The following NCOR1 variants were observed in gnomAD, a reference collection of about 807,000 sequenced individuals.
The protein encoded by NCOR1 is protein phosphatase 1, regulatory subunit 109.
NCOR1 carries 63 observed loss-of-function variants against 288.1 expected under a neutral mutation model. The observed-to-expected ratio is 0.22, with a 90% CI of 0.18 to 0.27. The LOEUF (loss-of-function observed/expected upper bound fraction) is 0.27. NCOR1 is among the 10% of genes least tolerant of loss of function. NCOR1 has a pLI of 1.00. For missense variants in NCOR1, 2,397 were observed against 3,019.2 expected (o/e 0.79, Z 4.83); for synonymous variants, 1,007 against 1,065.9 (o/e 0.94, Z 1.08).
chr17:16,188,293 G>A (rs1169342336), intron 2 of NCOR1, among the ~76,000 whole-genome samples: 4 of 152,056 alleles, frequency 2.6e-5, no homozygotes, highest in Non-Finnish European at 5.9e-5. Flanking sequence ...CAGATATAAA[G>A]TTGAAAACAT....
intron 40 of NCOR1, among the ~76,000 whole-genome samples, chr17:16,053,109 G>A (rs1341007145): frequency 1.3e-5 from 2 of 152,186 alleles, no homozygotes; most frequent in East Asian, 1.9e-4. Context: ...GCAAAAGCTG[G>A]AAGCATTCCT....
intron 42 of NCOR1, among the ~76,000 whole-genome samples, chr17:16,044,168 C>CAAAA (rs34691717): frequency 9.5e-4 from 78 of 81,992 alleles, no homozygotes; most frequent in East Asian, 1.8e-3. Flanking sequence ...GACTCCATCT[C>CAAAA]AAAAAAAAAA....
intron 7 of NCOR1, 98 bp downstream of exon 7, chr17:16,153,241 T>C (rs1232023598): frequency 2.4e-6 from 2 of 846,314 alleles, no homozygotes; most frequent in Non-Finnish European, 1.9e-6. Flanking sequence ...ACATCTCTCT[T>C]ATCCCAAAAT....
At chr17:16,032,729 A>C (rs1381572450) in intron 45 of NCOR1, among the ~76,000 whole-genome samples, 1 of 152,244 alleles carries the variant, frequency 6.6e-6, no homozygotes, top group Non-Finnish European at 1.5e-5. Flanking sequence ...AGGGCTGCTG[A>C]GCCCAGAAGA....
chr17:16,191,615 A>G (rs116126214), intron 2 of NCOR1, among the ~76,000 whole-genome samples: 1,552 of 152,196 alleles, frequency 0.01, 33 homozygotes, highest in African/African-American at 0.035. Flanking sequence ...AAAAACAGGG[A>G]AAAAAAGTGA....
intron 45 of NCOR1, among the ~76,000 whole-genome samples, chr17:16,033,553 A>G (rs1972970348): frequency 6.6e-6 from 1 of 152,136 alleles, no homozygotes; most frequent in Non-Finnish European, 1.5e-5. Context: ...CTTACAGGGA[A>G]GGGCACATTT....
At chr17:16,139,774 C>G (rs904227286) in intron 11 of NCOR1, among the ~76,000 whole-genome samples, 6 of 152,152 alleles carry the variant, frequency 3.9e-5, no homozygotes, top group Admixed American at 3.3e-4. Flanking sequence ...AACTTTGTTA[C>G]ACGTGCAGAA....
intron 14 of NCOR1, among the ~76,000 whole-genome samples, chr17:16,134,433 G>C (rs1270265233): frequency 6.6e-6 from 1 of 152,174 alleles, no homozygotes; most frequent in African/African-American, 2.4e-5. Flanking sequence ...AGCCTACCTG[G>C]GGGTAAGCAA....
intron 5 of NCOR1, among the ~76,000 whole-genome samples, chr17:16,162,490 A>C (rs1261682697): frequency 6.6e-6 from 1 of 151,798 alleles, no homozygotes; most frequent in Non-Finnish European, 1.5e-5. Context: ...ACCTAAATGT[A>C]TCATCATAAA....
At chr17:16,109,310 T>C (rs1181979303) in intron 18 of NCOR1, among the ~76,000 whole-genome samples, 1 of 152,054 alleles carries the variant, frequency 6.6e-6, no homozygotes, top group East Asian at 1.9e-4. Flanking sequence ...ACTACAAAAA[T>C]CACTGCTCAT....
At chr17:16,135,168 A>G (rs2076214708) in intron 14 of NCOR1, among the ~76,000 whole-genome samples, 1 of 151,678 alleles carries the variant, frequency 6.6e-6, no homozygotes, top group East Asian at 1.9e-4. Flanking sequence ...CAAAAAAAAA[A>G]AAAAAAAAAA....
At chr17:16,086,240 C>T (rs2064209822) in intron 23 of NCOR1, 42 bp downstream of exon 23, 2 of 1,581,164 alleles carry the variant, frequency 1.3e-6, no homozygotes, top group East Asian at 2.2e-5. Flanking sequence ...TTAACAAAGC[C>T]ATATTCAACA....
chr17:16,196,970 T>C (rs927828063), intron 1 of NCOR1, among the ~76,000 whole-genome samples: 1 of 151,980 alleles, frequency 6.6e-6, no homozygotes, highest in Non-Finnish European at 1.5e-5. Context: ...TGAGCCGTGA[T>C]TGTGCCACTG....
chr17:16,052,009 T>C (rs1307311578), intron 40 of NCOR1, among the ~76,000 whole-genome samples: 4 of 152,150 alleles, frequency 2.6e-5, no homozygotes, highest in African/African-American at 9.7e-5. Flanking sequence ...ATTCAGGATC[T>C]GGTTTTTGTT....
chr17:16,166,827 CA>C (rs1379056832), intron 4 of NCOR1, among the ~76,000 whole-genome samples: 1 of 151,046 alleles, frequency 6.6e-6, no homozygotes, highest in Non-Finnish European at 1.5e-5. Context: ...TCTTCACTAA[CA>C]CTGTGAAAAG....
intron 20 of NCOR1, among the ~76,000 whole-genome samples, chr17:16,100,250 G>C (rs1422733340): frequency 6.6e-6 from 1 of 152,164 alleles, no homozygotes; most frequent in Non-Finnish European, 1.5e-5. Flanking sequence ...AGTAATAACT[G>C]TACCTGTAAA....
chr17:16,097,824 T>A (rs2066911884), intron 21 of NCOR1, among the ~76,000 whole-genome samples: 1 of 152,156 alleles, frequency 6.6e-6, no homozygotes, highest in Admixed American at 6.5e-5. Flanking sequence ...GGGGACCCAA[T>A]ACCTATAGAA....
intron 4 of NCOR1, among the ~76,000 whole-genome samples, chr17:16,166,403 A>G (rs530415432): frequency 6.6e-6 from 1 of 152,332 alleles, no homozygotes; most frequent in Non-Finnish European, 1.5e-5. Context: ...ATCAGTGGCC[A>G]GGCACAGTGG....
At chr17:16,087,037 C>T (rs577442955) in intron 22 of NCOR1, 23 of 578,044 alleles carry the variant, frequency 4.0e-5, no homozygotes, top group South Asian at 3.8e-4. Context: ...GATGATGGAA[C>T]GCAGAGAAAC....
Sources: allele counts gnomAD v4.1 joint callset (sites outside exome capture counted in the v4.1 genomes callset), GRCh38; gene constraint gnomAD v4.1.1; transcripts MANE v1.5; gene names NCBI Gene and HGNC (gene_info 2026-07-23, HGNC 2026-07-21).